FAM110B: variants seen among roughly 807,000 people sequenced by gnomAD.
The protein encoded by FAM110B is family with sequence similarity 110 member B.
FAM110B carries 6 observed loss-of-function variants against 20.4 expected under a neutral mutation model. The ratio of observed to expected loss-of-function variants is 0.29; its 90% CI spans 0.16 to 0.58. The LOEUF (loss-of-function observed/expected upper bound fraction) is 0.58, where lower values mean the gene tolerates loss of function less well. Among genes scored for constraint, FAM110B ranks in the 20% least tolerant of loss-of-function variants. The pLI is 0.90. For missense variants in FAM110B, 434 were observed against 498.2 expected, an observed-to-expected ratio of 0.87 and a Z score of 1.23; for synonymous variants, 226 against 214.1, an observed-to-expected ratio of 1.06 and a Z score of -0.49.
intron 1 of FAM110B, among the ~76,000 whole-genome samples, chr8:58,022,364 G>A (rs1192595102): frequency 6.6e-6 from 1 of 152,116 alleles, no homozygotes; most frequent in African/African-American, 2.4e-5. Context: ...TGGTTTCCAG[G>A]GGCTGTAGGC....
rs185040643 is a variant in FAM110B, at chr8:58,012,546, A to G, written c.-512+17740A>G. The stretch of plus-strand genomic sequence containing the variant: ...TTTTATTGAGTCCTAGGGGAAAAAA[A>G]ATTAAGAATGATTTCTTTGAGTAGA... On this transcript the variant is annotated intron_variant, in intron 1 of 3. Transcript: ENST00000519262. Among the ~76,000 whole-genome samples the G allele has an allele frequency of 6.8e-4, 103 of 152,320 alleles. No individual in the cohort carries two copies. In the East Asian group the frequency reaches 0.017, roughly 25 times the overall value.
Position 58,072,850 on chromosome 8 carries a change from G to T in FAM110B, c.-413-2685G>T, listed in dbSNP as rs149735386. Among the ~76,000 whole-genome samples, 24 of 152,302 alleles carry T rather than the reference G, an allele frequency of 1.6e-4. No individual in the cohort carries two copies. The South Asian group carries it at 4.6e-3, about 29-fold the overall frequency. On this transcript the variant is annotated intron_variant, in intron 2 of 3. Coordinates refer to ENST00000519262, the MANE Select transcript of FAM110B (RefSeq NM_001377989.1). ...CATTCCATGAAAAATATGATGTGCC[G>T]CAAAGTAACTGGGCTGAACAAGGTG...
At chr8:58,017,879 G>A (rs1480999983) in intron 1 of FAM110B, among the ~76,000 whole-genome samples, 2 of 152,128 alleles carry the variant, frequency 1.3e-5, no homozygotes, top group African/African-American at 4.8e-5. Context: ...TGGTAATAAT[G>A]TCATGAGATT....
At chr8:58,044,683 A>C (rs887386058) in intron 2 of FAM110B, among the ~76,000 whole-genome samples, 2 of 152,230 alleles carry the variant, frequency 1.3e-5, no homozygotes, top group African/African-American at 4.8e-5. Context: ...CAATAGAATC[A>C]GAAAATAAAA....
intron 2 of FAM110B, among the ~76,000 whole-genome samples, chr8:58,065,079 T>A (rs888469293): frequency 6.6e-6 from 1 of 152,246 alleles, no homozygotes; most frequent in African/African-American, 2.4e-5. Context: ...AAGTGACTAG[T>A]GTTGAAACAT....
intron 2 of FAM110B, among the ~76,000 whole-genome samples, chr8:58,047,188 TAATAAG>T (rs1413045994): frequency 6.6e-6 from 1 of 152,222 alleles, no homozygotes; most frequent in Non-Finnish European, 1.5e-5. Flanking sequence ...GAAGACTCTT[TAATAAG>T]AATGAGATAT....
intron 1 of FAM110B, among the ~76,000 whole-genome samples, chr8:57,998,316 T>G (rs1326728072): frequency 6.6e-6 from 1 of 152,182 alleles, no homozygotes; most frequent in African/African-American, 2.4e-5. Context: ...TAATAAAGAA[T>G]GTTGGGTCTG....
Position 58,007,224 on chromosome 8 carries a change from A to G in FAM110B, c.-512+12418A>G, listed in dbSNP as rs551441067. Among the ~76,000 whole-genome samples the G allele has an allele frequency of 2.6e-5, 4 of 152,164 alleles. No homozygotes were observed. The South Asian group carries it at 6.2e-4, about 24-fold the overall frequency. On this transcript the variant is annotated intron_variant, in intron 1 of 3. Coordinates refer to ENST00000519262, the MANE Select transcript of FAM110B (RefSeq NM_001377989.1). ...TCACTGCCTGGTGTAACAGAAGTGAACTGCCCTCACAGGTGCTCTGTCCTC... is the reference window on the plus strand; with the variant it reads ...TCACTGCCTGGTGTAACAGAAGTGAGCTGCCCTCACAGGTGCTCTGTCCTC...
intron 2 of FAM110B, among the ~76,000 whole-genome samples, chr8:58,062,504 A>G (rs1805678276): frequency 6.6e-6 from 1 of 152,354 alleles, no homozygotes; most frequent in Non-Finnish European, 1.5e-5. Flanking sequence ...ATATACATAT[A>G]TAAATGGAAA....
At chr8:58,103,113 T>C (rs1806823327) in intron 3 of FAM110B, among the ~76,000 whole-genome samples, 1 of 152,010 alleles carries the variant, frequency 6.6e-6, no homozygotes, top group South Asian at 2.1e-4. Context: ...TACAGGAAGG[T>C]TTATGCATTT....
At chr8:58,053,501 G>A (rs76509740) in intron 2 of FAM110B, among the ~76,000 whole-genome samples, 3,900 of 152,288 alleles carry the variant, frequency 0.026, 84 homozygotes, top group Non-Finnish European at 0.04. Flanking sequence ...AGATGCTAAT[G>A]ACATGCAATG....
chr8:58,105,343 C>T (rs1462106664), intron 3 of FAM110B, among the ~76,000 whole-genome samples: 2 of 152,040 alleles, frequency 1.3e-5, no homozygotes, highest in East Asian at 1.9e-4. Flanking sequence ...ATATAAAGCA[C>T]TTAGCATATT....
chr8:57,994,853 T>A (rs1327697919), intron 1 of FAM110B, 47 bp downstream of exon 1: 2 of 149,446 alleles, frequency 1.3e-5, no homozygotes, highest in African/African-American at 5.0e-5. Flanking sequence ...TGGGCGGGGG[T>A]TGGGATTCGG....
intron 1 of FAM110B, among the ~76,000 whole-genome samples, chr8:58,030,599 T>G (rs1253084467): frequency 6.6e-6 from 1 of 152,218 alleles, no homozygotes; most frequent in Non-Finnish European, 1.5e-5. Context: ...GAGTCCCAAG[T>G]GCCTCCTTAA....
intron 2 of FAM110B, among the ~76,000 whole-genome samples, chr8:58,055,136 A>G (rs1180733985): frequency 1.3e-5 from 2 of 152,156 alleles, no homozygotes; most frequent in Non-Finnish European, 2.9e-5. Flanking sequence ...ATCTACTGTA[A>G]TGAGGACATC....
chr8:58,018,010 G>A (rs1804673905), intron 1 of FAM110B, among the ~76,000 whole-genome samples: 1 of 152,104 alleles, frequency 6.6e-6, no homozygotes, highest in African/African-American at 2.4e-5. Flanking sequence ...CACGTGTATT[G>A]GGTCATTTTA....
intron 1 of FAM110B, among the ~76,000 whole-genome samples, chr8:57,996,731 A>G (rs1804191251): frequency 1.3e-5 from 2 of 152,202 alleles, no homozygotes; most frequent in Admixed American, 1.3e-4. Flanking sequence ...TTAGAATCCC[A>G]CTTCCAATTC....
At chr8:57,995,163 A>T (rs1261988088) in intron 1 of FAM110B, among the ~76,000 whole-genome samples, 1 of 152,106 alleles carries the variant, frequency 6.6e-6, no homozygotes, top group East Asian at 1.9e-4. Context: ...GGCGGGGGGA[A>T]GCTGGCCGCG....
intron 3 of FAM110B, among the ~76,000 whole-genome samples, chr8:58,120,482 C>A (rs890013317): frequency 6.6e-6 from 1 of 152,188 alleles, no homozygotes; most frequent in African/African-American, 2.4e-5. Flanking sequence ...CACCAACAGC[C>A]ATTATCTACC....
Sources: allele counts gnomAD v4.1 joint callset (sites outside exome capture counted in the v4.1 genomes callset), GRCh38; gene constraint gnomAD v4.1.1; transcripts MANE v1.5; gene names NCBI Gene and HGNC (gene_info 2026-07-23, HGNC 2026-07-21).